The following REC114 variants were observed in gnomAD, a reference collection of about 807,000 sequenced individuals.
REC114 encodes meiotic recombination protein REC114.
REC114 carries 27 observed loss-of-function variants against 31.3 expected under a neutral mutation model. That is an observed-to-expected ratio of 0.86 (90% CI 0.64 to 1.19). The LOEUF is 1.19. Among genes scored for constraint, REC114 ranks in the 50% most tolerant of loss-of-function variants. REC114 has a pLI of 0.00. For missense variants in REC114, 344 were observed against 326.9 expected, an observed-to-expected ratio of 1.05 and a Z score of -0.40; for synonymous variants, 134 against 127.7, an observed-to-expected ratio of 1.05 and a Z score of -0.33.
At chr15:73,491,566 G>A (rs1013823758) in intron 2 of REC114, among the ~76,000 whole-genome samples, 8 of 152,148 alleles carry the variant, frequency 5.3e-5, no homozygotes, top group Non-Finnish European at 1.0e-4. Context: ...TTATAAGAAA[G>A]AAGTAACTTC....
At chr15:73,551,258 A>ACTAC in intron 4 of REC114, 108 bp downstream of exon 4, 3 of 1,106,280 alleles carry the variant, frequency 2.7e-6, no homozygotes, top group Non-Finnish European at 3.9e-6. Flanking sequence ...TGTAGTTTAA[A>ACTAC]AAACATCTAT....
chr15:73,524,965 G>T (rs1893986523), intron 2 of REC114, among the ~76,000 whole-genome samples: 1 of 152,160 alleles, frequency 6.6e-6, no homozygotes, highest in South Asian at 2.1e-4. Context: ...TTTCTTCGAA[G>T]AACTGCAACA....
At chr15:73,543,344 G>A (rs1287987204) in intron 3 of REC114, among the ~76,000 whole-genome samples, 1 of 151,994 alleles carries the variant, frequency 6.6e-6, no homozygotes, top group Non-Finnish European at 1.5e-5. Context: ...TTGTTTGTTT[G>A]TTTTTGAGAC....
intron 2 of REC114, among the ~76,000 whole-genome samples, chr15:73,494,187 TCTA>T (rs1893484360): frequency 6.6e-6 from 1 of 152,202 alleles, no homozygotes; most frequent in South Asian, 2.1e-4. Context: ...GATATAGTTC[TCTA>T]CTATTTTATA....
At chr15:73,454,012 A>C (rs1324422386) in intron 1 of REC114, among the ~76,000 whole-genome samples, 1 of 152,150 alleles carries the variant, frequency 6.6e-6, no homozygotes, top group East Asian at 1.9e-4. Flanking sequence ...ATAAATACCT[A>C]ATGTAGACCA....
intron 2 of REC114, among the ~76,000 whole-genome samples, chr15:73,515,157 C>G (rs1290006512): frequency 1.3e-5 from 2 of 152,084 alleles, no homozygotes; most frequent in African/African-American, 2.4e-5. Context: ...GTCTCAAACT[C>G]CTGCATCAAG....
chr15:73,496,077 G>A (rs1442876819), intron 2 of REC114, among the ~76,000 whole-genome samples: 5 of 151,848 alleles, frequency 3.3e-5, no homozygotes, highest in Non-Finnish European at 7.4e-5. Flanking sequence ...AAGTTGGCTG[G>A]GTGCGGTGGC....
chr15:73,477,296 C>G (rs1893229038), intron 2 of REC114, among the ~76,000 whole-genome samples: 1 of 152,078 alleles, frequency 6.6e-6, no homozygotes, highest in Admixed American at 6.5e-5. Flanking sequence ...TATAGCTTAC[C>G]TTTTCATTTC....
At position 73,443,262 on chromosome 15, in the gene REC114, A is replaced by T. The variant is rs1892721700; in HGVS notation, c.77A>T (p.Tyr26Phe). ...GCGGCAGAGTGGCCTCTGCAGCGGTACGCCCGCTGCATACCCTCAAACACC... is the reference window on the plus strand; with the variant it reads ...GCGGCAGAGTGGCCTCTGCAGCGGTTCGCCCGCTGCATACCCTCAAACACC... ...GEAAEWPLQR[Y>F]ARCIPSNTRD... The change falls in exon 1 of 6, where the codon TAC becomes TTC. Residue 26 changes from tyrosine to phenylalanine, a missense_variant. Coordinates refer to ENST00000331090, the MANE Select transcript of REC114 (RefSeq NM_001042367.2). 2 of 1,574,624 alleles carry T rather than the reference A, an allele frequency of 1.3e-6. No homozygotes were observed. Among genetic ancestry groups the T allele is most frequent in the Non-Finnish European group, 8.6e-7 (1 of 1,161,168 alleles).
At position 73,501,220 on chromosome 15, in the gene REC114, C is replaced by T. The variant is rs970109648; in HGVS notation, c.249+27299C>T. On this transcript the variant is annotated intron_variant, in intron 2 of 5. Coordinates refer to ENST00000331090, the MANE Select transcript of REC114 (RefSeq NM_001042367.2). ...AGCACATCTATGAAGGTGTGCCATT[C>T]AATCTCATTGGATAAATGTTAACTA... 2.4e-4 allele frequency among the ~76,000 whole-genome samples: 36 copies of T among 152,178 alleles called. 1 individual carries two copies. The highest frequency in any genetic ancestry group is 1.3e-4 in the Non-Finnish European group (9 of 68,034).
At chr15:73,479,345 A>G (rs1893261461) in intron 2 of REC114, among the ~76,000 whole-genome samples, 1 of 150,916 alleles carries the variant, frequency 6.6e-6, no homozygotes, top group South Asian at 2.1e-4. Context: ...ATTAAGGTAT[A>G]CAATGTAATG....
chr15:73,476,459 T>A (rs1039418768), intron 2 of REC114, among the ~76,000 whole-genome samples: 91 of 152,220 alleles, frequency 6.0e-4, no homozygotes, highest in Admixed American at 2.7e-3. Context: ...TTGCCTTTTT[T>A]AAAATAATTT....
chr15:73,458,187 C>CT (rs1300654753), intron 1 of REC114, among the ~76,000 whole-genome samples: 1 of 152,188 alleles, frequency 6.6e-6, no homozygotes. Context: ...CTATATGGAA[C>CT]TTTCAATTTA....
intron 2 of REC114, among the ~76,000 whole-genome samples, chr15:73,481,773 C>T (rs1356603964): frequency 6.6e-6 from 1 of 150,888 alleles, no homozygotes; most frequent in East Asian, 2.0e-4. Flanking sequence ...ATTCTCCTAC[C>T]TCAGCCTCCT....
At chr15:73,555,030 TC>T (rs1374217359) in intron 4 of REC114, among the ~76,000 whole-genome samples, 1 of 152,236 alleles carries the variant, frequency 6.6e-6, no homozygotes, top group Non-Finnish European at 1.5e-5. Context: ...GCCATTTTGC[TC>T]GTTTTTTGTT....
chr15:73,556,588 G>A (rs1259264148), intron 5 of REC114, among the ~76,000 whole-genome samples, 197 bp downstream of exon 5: 2 of 152,124 alleles, frequency 1.3e-5, no homozygotes, highest in African/African-American at 4.8e-5. Context: ...TGTGAGGTGA[G>A]ACATGATGGC....
chr15:73,484,053 T>TTTGTTG (rs1375444160), intron 2 of REC114: 2 of 152,268 alleles, frequency 1.3e-5, no homozygotes, highest in Non-Finnish European at 2.9e-5. Flanking sequence ...TGATTGGGGT[T>TTTGTTG]TTGTTGTTGT....
intron 1 of REC114, among the ~76,000 whole-genome samples, chr15:73,459,296 C>T (rs1280958338): frequency 1.3e-5 from 2 of 150,712 alleles, no homozygotes; most frequent in African/African-American, 2.4e-5. Flanking sequence ...GTGGTGCAAT[C>T]TTGGTTTACC....
chr15:73,513,246 A>AGGCTTCTGC (rs1424739642), intron 2 of REC114, among the ~76,000 whole-genome samples: 1 of 151,504 alleles, frequency 6.6e-6, no homozygotes, highest in Non-Finnish European at 1.5e-5. Context: ...TCGGCTCCTG[A>AGGCTTCTGC]GGCTTCTGCA....
Sources: allele counts gnomAD v4.1 joint callset (sites outside exome capture counted in the v4.1 genomes callset), GRCh38; gene constraint gnomAD v4.1.1; transcripts MANE v1.5; gene names NCBI Gene and HGNC (gene_info 2026-07-23, HGNC 2026-07-21).